ERG: variants seen among roughly 807,000 people sequenced by gnomAD.
ERG encodes the protein ETS transcription factor ERG.
A neutral mutation model predicts 55.3 loss-of-function variants in ERG; 9 were observed. That is an observed-to-expected ratio of 0.16 (90% CI 0.10 to 0.28). The LOEUF (loss-of-function observed/expected upper bound fraction) is 0.28, where lower values mean the gene tolerates loss of function less well. Among genes scored for constraint, ERG ranks in the 10% least tolerant of loss-of-function variants. The probability of loss-of-function intolerance (pLI) is 1.00; values close to 1 mark genes in which losing one functional copy is unlikely to be tolerated. For missense variants in ERG, 434 were observed against 631.6 expected, an observed-to-expected ratio of 0.69 and a Z score of 3.35; for synonymous variants, 223 against 237.3, an observed-to-expected ratio of 0.94 and a Z score of 0.55.
chr21:38,646,720 T>G (rs1276575465), intron 1 of ERG, among the ~76,000 whole-genome samples: 1 of 152,202 alleles, frequency 6.6e-6, no homozygotes, highest in Non-Finnish European at 1.5e-5. Flanking sequence ...GGCCCAGTTT[T>G]GTTTCTCTTG....
chr21:38,561,783 A>T (rs2059894350), intron 2 of ERG, among the ~76,000 whole-genome samples: 1 of 152,188 alleles, frequency 6.6e-6, no homozygotes, highest in African/African-American at 2.4e-5. Context: ...TGATCTTAGC[A>T]GTGTATTTAC....
rs202112363 is a variant in ERG, at chr21:38,406,186, G to A, written c.389-2477C>T. On this transcript the variant is annotated intron_variant, in intron 3 of 9. Transcript: ENST00000288319. ...AAAAAAAAAAAAAAATCATCAGTGC[G>A]CAGAACCTGAAAACTAAAGGGAACT... Among the ~76,000 whole-genome samples the A allele has an allele frequency of 3.1e-4, 36 of 117,416 alleles. No individual in the cohort carries two copies. In the East Asian group the frequency reaches 6.9e-3, roughly 22 times the overall value. The allele number at this position is 117,416 out of a possible 152,430, so 77.0% of individuals were successfully genotyped here.
chr21:38,596,676 C>A (rs17194207), intron 1 of ERG, among the ~76,000 whole-genome samples: 24,722 of 152,196 alleles, frequency 0.16, 2,139 homozygotes, highest in East Asian at 0.29. Flanking sequence ...CTGGAGAATT[C>A]CTTAGTTTCC....
chr21:38,411,742 A>C (rs1305234002), intron 3 of ERG, among the ~76,000 whole-genome samples: 1 of 152,224 alleles, frequency 6.6e-6, no homozygotes, highest in African/African-American at 2.4e-5. Flanking sequence ...CTAGAAAAAA[A>C]ACTCTTGGTA....
intron 6 of ERG, among the ~76,000 whole-genome samples, chr21:38,398,518 GCT>G (rs1988333634): frequency 6.6e-6 from 1 of 152,194 alleles, no homozygotes; most frequent in African/African-American, 2.4e-5. Context: ...GTGGAAGTGT[GCT>G]CTCTCCCAGG....
At chr21:38,501,464 T>A (rs1335448548), upstream of ERG, among the ~76,000 whole-genome samples, 1 of 152,182 alleles carries the variant, frequency 6.6e-6, no homozygotes, top group Non-Finnish European at 1.5e-5. Flanking sequence ...TCACTCTAGC[T>A]TTCCTCACTT....
intron 1 of ERG, among the ~76,000 whole-genome samples, chr21:38,655,574 G>A (rs1016266602): frequency 3.3e-5 from 5 of 152,168 alleles, no homozygotes; most frequent in African/African-American, 4.8e-5. Flanking sequence ...ACTTGGCTCC[G>A]AACAAATTAA....
At chr21:38,571,673 G>A (rs1388771448) in intron 2 of ERG, among the ~76,000 whole-genome samples, 1 of 152,262 alleles carries the variant, frequency 6.6e-6, no homozygotes, top group African/African-American at 2.4e-5. Flanking sequence ...GTTTGTAAAT[G>A]AATTGCCACA....
intron 2 of ERG, among the ~76,000 whole-genome samples, chr21:38,439,816 A>G (rs1250654632): frequency 2.6e-5 from 4 of 152,240 alleles, no homozygotes; most frequent in Admixed American, 2.6e-4. Flanking sequence ...GGAGCTTGTA[A>G]GCACGTTAGG....
chr21:38,489,885 C>T lies in ERG; in HGVS notation c.18+8478G>A, dbSNP rs143055316. Among the ~76,000 whole-genome samples, 194 of 152,314 alleles carry T rather than the reference C, an allele frequency of 1.3e-3. 1 individual carries two copies. The highest frequency in any genetic ancestry group is 3.4e-3 in the Middle Eastern group (1 of 294). On this transcript the variant is annotated intron_variant, in intron 1 of 9. Coordinates refer to ENST00000288319, the MANE Select transcript of ERG (RefSeq NM_182918.4). ...GCATTTAAGAGGCTCAGGAGGGGTC[C>T]CCCTCATCATCCTTGTTGTCTTTTG...
intron 2 of ERG, among the ~76,000 whole-genome samples, chr21:38,509,667 C>A (rs971372813): frequency 6.6e-6 from 1 of 152,120 alleles, no homozygotes; most frequent in African/African-American, 2.4e-5. Context: ...ACCCCATTCC[C>A]ATTCTCTGGA....
intron 1 of ERG, among the ~76,000 whole-genome samples, chr21:38,624,551 AC>A (rs780503296): frequency 2.3e-4 from 35 of 152,184 alleles, no homozygotes; most frequent in Non-Finnish European, 4.0e-4. Flanking sequence ...GCTGGGAGAC[AC>A]CCCTTCTGTG....
At chr21:38,404,821 A>T (rs1352747994) in intron 3 of ERG, among the ~76,000 whole-genome samples, 4 of 152,174 alleles carry the variant, frequency 2.6e-5, no homozygotes, top group Non-Finnish European at 5.9e-5. Context: ...ATTTTAGCTA[A>T]TACTTTCAGA....
chr21:38,370,181 A>G, the ERG span, among the ~76,000 whole-genome samples: 1 of 152,138 alleles, frequency 6.6e-6, no homozygotes, highest in South Asian at 2.1e-4. Context: ...TAATTTATAT[A>G]CCCTTAGTTA....
chr21:38,392,407 G>A lies in ERG; in HGVS notation c.783C>T (p.Thr261=), dbSNP rs189755239. The A allele has an allele frequency of 5.8e-4, 909 of 1,565,644 alleles. 3 individuals carry two copies. The highest frequency in any genetic ancestry group is 4.5e-3 in the East Asian group (191 of 42,256). The change falls in exon 7 of 10, where the codon ACC becomes ACT. Residue 261 remains threonine (T), a synonymous_variant. Transcript: ENST00000288319. ...ACTGGGGCGTGGGGTGGCCGTGACCGGTCCAGGCTGATCTCCTGGGGGGCT... is the reference window on the plus strand; with the variant it reads ...ACTGGGGCGTGGGGTGGCCGTGACCAGTCCAGGCTGATCTCCTGGGGGGCT... ...PYEPPRRSAW[T]GHGHPTPQSK...
chr21:38,645,693 A>C (rs549042608), intron 1 of ERG, among the ~76,000 whole-genome samples: 13 of 152,372 alleles, frequency 8.5e-5, no homozygotes, highest in African/African-American at 2.9e-4. Flanking sequence ...TTTTACAACT[A>C]AACAGTATTT....
At chr21:38,609,300 T>C (rs2060212632) in intron 1 of ERG, among the ~76,000 whole-genome samples, 1 of 152,104 alleles carries the variant, frequency 6.6e-6, no homozygotes, top group Non-Finnish European at 1.5e-5. Flanking sequence ...TGAACCAAAC[T>C]GAAAATACAT....
rs2146410697 is a variant in ERG at position 38,383,444 on chromosome 21, G to A, written c.1399C>T (p.Pro467Ser). Residue 467 changes from proline to serine, a missense_variant, in exon 10 of 10, where the codon CCC becomes TCC. Physicochemically the swap from Pro to Ser is moderately conservative, Grantham distance 74. Coordinates refer to ENST00000288319, the MANE Select transcript of ERG (RefSeq NM_182918.4). This position sits in a 1 kb window ranked among gnomAD's most constrained non-coding sequence, Gnocchi z 5.7. The stretch of plus-strand genomic sequence containing the variant: ...AGATGAGAAGGCATATGGCTGGTGG[G>A]GAGCCTAGTGTTGGGGTATATACCC... ...TGGIYPNTRL[P>S]TSHMPSHLGT... The A allele has an allele frequency of 1.3e-6, 2 of 1,515,302 alleles. No homozygotes were observed. The highest frequency in any genetic ancestry group is 1.8e-6 in the Non-Finnish European group (2 of 1,131,698). The allele number at this position is 1,515,302 out of a possible 1,614,324, so 93.9% of individuals were successfully genotyped here.
intron 2 of ERG, among the ~76,000 whole-genome samples, chr21:38,429,711 GCA>G (rs891003913): frequency 1.2e-5 from 1 of 82,418 alleles, no homozygotes; most frequent in Admixed American, 1.2e-4. Context: ...ATATGTGTGT[GCA>G]TATATGTCTA....
Sources: allele counts gnomAD v4.1 joint callset (sites outside exome capture counted in the v4.1 genomes callset), GRCh38; gene constraint gnomAD v4.1.1; non-coding constraint Gnocchi (gnomAD v3.1); transcripts MANE v1.5; gene names NCBI Gene and HGNC (gene_info 2026-07-23, HGNC 2026-07-21).